Variants in SGCZ observed in about 807,000 individuals in gnomAD.
SGCZ encodes sarcoglycan zeta.
SGCZ carries 40 observed loss-of-function variants against 41.3 expected under a neutral mutation model. That is an observed-to-expected ratio of 0.97 (90% CI 0.75 to 1.26). The LOEUF (loss-of-function observed/expected upper bound fraction) is 1.26, where lower values mean the gene tolerates loss of function less well. Among genes scored for constraint, SGCZ ranks in the 50% most tolerant of loss-of-function variants. The pLI is 0.00. For synonymous variants in SGCZ, 206 were observed against 137.5 expected (o/e 1.50, Z -3.49); for missense variants, 552 against 369.8 (o/e 1.49, Z -4.04).
chr8:14,892,291 G>A lies in SGCZ; in HGVS notation c.40-337365C>T, dbSNP rs148901227. On this transcript the variant is annotated intron_variant, in intron 1 of 7. Transcript: ENST00000382080. The stretch of plus-strand genomic sequence containing the variant: ...ATATCTGCTGAGTGTAGGGGATATC[G>A]CAACATACCTCATTCCACCTGCTGA... 6.4e-4 allele frequency among the ~76,000 whole-genome samples: 98 copies of A among 152,178 alleles called. 1 individual carries two copies. In the East Asian group the frequency reaches 9.1e-3, roughly 14 times the overall value.
chr8:14,586,915 T>C (rs1259388684), intron 1 of SGCZ, among the ~76,000 whole-genome samples: 1 of 152,116 alleles, frequency 6.6e-6, no homozygotes, highest in Non-Finnish European at 1.5e-5. Flanking sequence ...GGTGATTACC[T>C]AGTTAAATTG....
At chr8:14,563,002 G>C (rs764237365) in intron 1 of SGCZ, among the ~76,000 whole-genome samples, 14 of 152,152 alleles carry the variant, frequency 9.2e-5, no homozygotes, top group Admixed American at 2.6e-4. Context: ...ATAATCCAAA[G>C]AGAATATTCC....
intron 1 of SGCZ, among the ~76,000 whole-genome samples, chr8:14,599,658 T>C (rs759525106): frequency 6.6e-5 from 10 of 152,194 alleles, no homozygotes; most frequent in Non-Finnish European, 1.3e-4. Context: ...CGCATATTCA[T>C]CTATACCCAT....
intron 5 of SGCZ, among the ~76,000 whole-genome samples, chr8:14,117,092 AG>A (rs1298151514): frequency 6.6e-6 from 1 of 152,120 alleles, no homozygotes; most frequent in Non-Finnish European, 1.5e-5. Flanking sequence ...GTATCTTTAA[AG>A]ATGGTCGTCC....
chr8:15,171,480 C>T (rs1799828226), intron 1 of SGCZ, among the ~76,000 whole-genome samples: 1 of 152,178 alleles, frequency 6.6e-6, no homozygotes, highest in African/African-American at 2.4e-5. Context: ...ACTGAAAGGA[C>T]ACCAGCCCTT....
intron 1 of SGCZ, among the ~76,000 whole-genome samples, chr8:14,576,709 C>G (rs1205084863): frequency 2.0e-5 from 3 of 152,132 alleles, no homozygotes; most frequent in Non-Finnish European, 4.4e-5. Context: ...CAACAGGACA[C>G]AAATTAGTGC....
intron 1 of SGCZ, among the ~76,000 whole-genome samples, chr8:15,041,449 A>T (rs571538056): frequency 6.6e-6 from 1 of 152,078 alleles, no homozygotes; most frequent in South Asian, 2.1e-4. Flanking sequence ...ATTATTTCAT[A>T]GTAATTACAT....
intron 5 of SGCZ, among the ~76,000 whole-genome samples, chr8:14,152,767 A>C (rs921557476): frequency 6.6e-6 from 1 of 152,194 alleles, no homozygotes; most frequent in Non-Finnish European, 1.5e-5. Context: ...CAAAACCTAG[A>C]AACAACTCAG....
chr8:14,525,137 T>C (rs1802902604), intron 2 of SGCZ, among the ~76,000 whole-genome samples: 2 of 130,300 alleles, frequency 1.5e-5, no homozygotes, highest in Admixed American at 8.1e-5. Context: ...CATTGATAGA[T>C]AGACACATAG....
intron 1 of SGCZ, among the ~76,000 whole-genome samples, chr8:14,791,513 A>G (rs1384991121): frequency 6.6e-6 from 1 of 152,146 alleles, no homozygotes; most frequent in Non-Finnish European, 1.5e-5. Flanking sequence ...CATCCCCTGT[A>G]GTTATCTATT....
intron 1 of SGCZ, among the ~76,000 whole-genome samples, chr8:14,946,926 G>C (rs1963534): frequency 4.0e-5 from 6 of 151,696 alleles, no homozygotes; most frequent in African/African-American, 7.3e-5. Context: ...CGCCCGCCTC[G>C]GCCTCCCAAC....
At chr8:15,120,286 G>A (rs1213102543) in intron 1 of SGCZ, among the ~76,000 whole-genome samples, 2 of 152,170 alleles carry the variant, frequency 1.3e-5, no homozygotes, top group East Asian at 1.9e-4. Context: ...ATTTAAAATT[G>A]TAAGAAAATT....
chr8:15,197,729 C>A (rs1236364523), intron 1 of SGCZ, among the ~76,000 whole-genome samples: 1 of 152,052 alleles, frequency 6.6e-6, no homozygotes, highest in East Asian at 1.9e-4. Context: ...CAGGGGGAGG[C>A]AAGGTCTAAA....
intron 1 of SGCZ, among the ~76,000 whole-genome samples, chr8:14,961,964 G>A (rs544283915): frequency 4.7e-4 from 71 of 152,180 alleles, no homozygotes; most frequent in South Asian, 4.1e-4. Context: ...TCCTTCTTGC[G>A]GAGCACTGAT....
chr8:14,511,285 A>G (rs1226956835), intron 2 of SGCZ, among the ~76,000 whole-genome samples: 1 of 151,964 alleles, frequency 6.6e-6, no homozygotes, highest in African/African-American at 2.4e-5. Context: ...AATAATAAAA[A>G]TTGTCTTTTT....
chr8:14,725,260 T>C (rs1412100347), intron 1 of SGCZ, among the ~76,000 whole-genome samples: 1 of 152,238 alleles, frequency 6.6e-6, no homozygotes. Context: ...CTTAATTCCC[T>C]ACTTTGTCTA....
chr8:15,161,394 C>G (rs563620443), intron 1 of SGCZ, among the ~76,000 whole-genome samples: 1 of 152,176 alleles, frequency 6.6e-6, no homozygotes, highest in African/African-American at 2.4e-5. Flanking sequence ...CAGCACTTAC[C>G]CCACTCATTA....
At chr8:14,409,948 G>C (rs925730845) in intron 2 of SGCZ, among the ~76,000 whole-genome samples, 3 of 152,182 alleles carry the variant, frequency 2.0e-5, no homozygotes, top group African/African-American at 4.8e-5. Flanking sequence ...AAATCAATGA[G>C]TTTATTAGAA....
At chr8:14,392,064 G>C (rs999675356) in intron 2 of SGCZ, among the ~76,000 whole-genome samples, 2 of 152,088 alleles carry the variant, frequency 1.3e-5, no homozygotes, top group African/African-American at 2.4e-5. Flanking sequence ...ACTATAGCAA[G>C]GGGAGATGGA....
Sources: allele counts gnomAD v4.1 joint callset (sites outside exome capture counted in the v4.1 genomes callset), GRCh38; gene constraint gnomAD v4.1.1; transcripts MANE v1.5; gene names NCBI Gene and HGNC (gene_info 2026-07-23, HGNC 2026-07-21).